The following ZNF85 variants were observed in gnomAD, a reference collection of about 807,000 sequenced individuals.
ZNF85 encodes zinc finger protein 85.
Under a neutral mutation model 53.9 loss-of-function variants are expected in ZNF85, and 50 were observed. That is an observed-to-expected ratio of 0.93 (90% confidence interval 0.74 to 1.17). The LOEUF (loss-of-function observed/expected upper bound fraction) is 1.17. Ranked by LOEUF, ZNF85 falls within the 50% of genes most tolerant of loss-of-function variation. The pLI is 0.00. For synonymous variants in ZNF85, 225 were observed against 226.1 expected, an observed-to-expected ratio of 1.00 and a Z score of 0.04; for missense variants, 747 against 688.5, an observed-to-expected ratio of 1.08 and a Z score of -0.95.
At chr19:20,923,929 A>C (rs918512772) in intron 1 of ZNF85, among the ~76,000 whole-genome samples, 1 of 152,032 alleles carries the variant, frequency 6.6e-6, no homozygotes, top group African/African-American at 2.4e-5. Context: ...TTTTAAAAAT[A>C]CAAAAATTAG....
intron 3 of ZNF85, chr19:20,942,878 T>TG (rs1414734491): frequency 1.7e-5 from 12 of 693,438 alleles, no homozygotes; most frequent in Non-Finnish European, 2.9e-5. Context: ...TGGGGTCAAG[T>TG]GATTGTTCCA....
chr19:20,932,739 T>C (rs112141004), intron 1 of ZNF85, among the ~76,000 whole-genome samples: 1,817 of 152,230 alleles, frequency 0.012, 33 homozygotes, highest in African/African-American at 0.035. Flanking sequence ...AGAAAGATGA[T>C]TTAAAATTAC....
At chr19:20,929,756 A>ACC (rs1190951243) in intron 1 of ZNF85, among the ~76,000 whole-genome samples, 21 of 147,806 alleles carry the variant, frequency 1.4e-4, no homozygotes, top group East Asian at 6.0e-4. Context: ...GTTTAGATTT[A>ACC]ACCTATTTGG....
At chr19:20,932,386 A>AT (rs34346930) in intron 1 of ZNF85, among the ~76,000 whole-genome samples, 2 of 151,888 alleles carry the variant, frequency 1.3e-5, no homozygotes, top group African/African-American at 2.4e-5. Flanking sequence ...TCTGAAAAGT[A>AT]TTTTTTTTCT....
At chr19:20,943,713 T>C (rs1221502172) in intron 3 of ZNF85, 2 of 152,236 alleles carry the variant, frequency 1.3e-5, no homozygotes, top group Non-Finnish European at 2.9e-5. Context: ...AATTATTATG[T>C]TGCTATGTAT....
At chr19:20,933,192 CA>C (rs10532648) in intron 1 of ZNF85, among the ~76,000 whole-genome samples, 54,464 of 108,908 alleles carry the variant, frequency 0.5, 11,045 homozygotes, top group Middle Eastern at 0.6. Context: ...GACTCCGTCT[CA>C]AAAAAAAAAA....
At chr19:20,941,018 A>G (rs1237743671) in intron 3 of ZNF85, among the ~76,000 whole-genome samples, 1 of 152,190 alleles carries the variant, frequency 6.6e-6, no homozygotes, top group East Asian at 1.9e-4. Flanking sequence ...ACATTCATAA[A>G]TGTGATTGCT....
At chr19:20,925,101 G>A (rs1972848752) in intron 1 of ZNF85, among the ~76,000 whole-genome samples, 2 of 152,162 alleles carry the variant, frequency 1.3e-5, no homozygotes, top group Admixed American at 1.3e-4. Flanking sequence ...TAGATACCCA[G>A]GGTCTGAGTG....
chr19:20,929,962 A>C (rs1231364735), intron 1 of ZNF85, among the ~76,000 whole-genome samples: 1 of 152,052 alleles, frequency 6.6e-6, no homozygotes, highest in Non-Finnish European at 1.5e-5. Context: ...CTACTTAAAA[A>C]ATACAAAAAT....
Position 20,949,137 on chromosome 19 carries a change from GA to G in ZNF85, c.627del (p.Ala210ProfsTer69), listed in dbSNP as rs1343216210. On this transcript the variant is annotated frameshift_variant, in exon 4 of 4. Coordinates refer to ENST00000328178, the MANE Select transcript of ZNF85 (RefSeq NM_003429.5). LOFTEE classifies it high-confidence loss of function. ...AATTTCTACAAATGTGAAGAATGTG[GA>G]AAAGCCTTTAACTGGTCCTCAACCC... The part of the protein sequence containing the change: ...RVNFYKCEEC[G>X]KAFNWSSTLT... 3.7e-6 allele frequency: 6 copies of G among 1,613,596 alleles called. No homozygotes were observed. Among genetic ancestry groups the G allele is most frequent in the Non-Finnish European group, 5.1e-6 (6 of 1,179,760 alleles).
chr19:20,949,639 T>A lies in ZNF85; in HGVS notation c.1125T>A (p.Cys375Ter). 6.2e-7 allele frequency: 1 copy of A among 1,613,094 alleles called. No individual in the cohort carries two copies. Among genetic ancestry groups the A allele is most frequent in the Non-Finnish European group, 8.5e-7 (1 of 1,179,658 alleles). Residue 375 changes from cysteine (C) to a stop codon, truncating the protein, a stop_gained, in exon 4 of 4, where the codon TGT becomes TGA. Transcript: ENST00000328178. LOFTEE classifies it high-confidence loss of function. ...AGAAACCCTACAAATGTGAAAAATG[T>A]GGAAAAGCCTTTAATCATTTCTCAC... ...TGEKPYKCEK[C>*]GKAFNHFSHL...
intron 3 of ZNF85, among the ~76,000 whole-genome samples, chr19:20,947,105 T>C (rs1973439831): frequency 6.6e-6 from 1 of 151,968 alleles, no homozygotes; most frequent in African/African-American, 2.4e-5. Context: ...ACAGATTTTT[T>C]TGTGGTACCT....
chr19:20,935,728 A>G (rs550079681), intron 3 of ZNF85, among the ~76,000 whole-genome samples: 2 of 149,766 alleles, frequency 1.3e-5, no homozygotes, highest in Non-Finnish European at 3.0e-5. Context: ...GCTCACCGCA[A>G]CCTCTGCCTC....
intron 1 of ZNF85, among the ~76,000 whole-genome samples, chr19:20,924,896 C>G (rs1481690454): frequency 1.3e-5 from 2 of 152,106 alleles, no homozygotes; most frequent in African/African-American, 4.8e-5. Context: ...CGTTTGGAGA[C>G]TTTATGGTGT....
chr19:20,939,911 T>C (rs996872976), intron 3 of ZNF85, among the ~76,000 whole-genome samples: 1 of 151,240 alleles, frequency 6.6e-6, no homozygotes, highest in Admixed American at 6.6e-5. Context: ...TGGTAAGGCT[T>C]GTCTCGAACT....
intron 1 of ZNF85, among the ~76,000 whole-genome samples, chr19:20,924,824 CTT>C (rs1225169938): frequency 6.6e-6 from 1 of 152,158 alleles, no homozygotes; most frequent in East Asian, 1.9e-4. Flanking sequence ...CTCTGTGTCT[CTT>C]TTCCTTTTAT....
In ZNF85 at chr19:20,949,923, C is replaced by T; in HGVS notation, c.1409C>T (p.Thr470Ile). 6.2e-7 allele frequency: 1 copy of T among 1,612,144 alleles called. No individual in the cohort carries two copies. The highest frequency in any genetic ancestry group is 1.1e-5 in the South Asian group (1 of 90,880). ...GCTTTTAACCAGTCCTCAAATCTTA[C>T]TAGACATAAGAAAAGTCATACAGAA... ...GKAFNQSSNL[T>I]RHKKSHTEEK... The change falls in exon 4 of 4, where the codon ACT (threonine) becomes ATT (isoleucine). Residue 470 changes from threonine to isoleucine, a missense_variant. Physicochemically the swap from Thr to Ile is moderately conservative, Grantham distance 89. Coordinates refer to ENST00000328178, the MANE Select transcript of ZNF85 (RefSeq NM_003429.5).
rs756364224 is a variant in ZNF85 at position 20,949,919 on chromosome 19, C to G, written c.1405C>G (p.Leu469Val). 7.4e-6 allele frequency: 12 copies of G among 1,612,260 alleles called. No individual in the cohort carries two copies. In the East Asian group the frequency reaches 2.2e-4, roughly 30 times the overall value. Residue 469 changes from leucine to valine, a missense_variant, in exon 4 of 4, where the codon CTT (leucine) becomes GTT (valine). Leu to Val is a conservative substitution (Grantham distance 32, BLOSUM62 1). Transcript: ENST00000328178. Reference protein sequence around the residue: ...CGKAFNQSSNLTRHKKSHTEE... With the variant: ...CGKAFNQSSNVTRHKKSHTEE... ...CAAAGCTTTTAACCAGTCCTCAAAT[C>G]TTACTAGACATAAGAAAAGTCATAC...
chr19:20,933,874 C>T (rs1409969669), intron 1 of ZNF85, 150 bp from the exon 2 acceptor site: 19 of 791,518 alleles, frequency 2.4e-5, no homozygotes, highest in Non-Finnish European at 3.4e-5. Flanking sequence ...TTAGTCACTC[C>T]TGTAAGTCAG....
Sources: gnomAD v4.1 joint callset for allele counts (sites outside exome capture counted in the v4.1 genomes callset) on GRCh38, gnomAD v4.1.1 for gene constraint, MANE v1.5 for transcripts, NCBI Gene and HGNC (gene_info 2026-07-23, HGNC 2026-07-21) for gene names.